The following ANO2 variants were observed in gnomAD, a reference collection of about 807,000 sequenced individuals.
ANO2 encodes the protein anoctamin-2.
Under a neutral mutation model 124.2 loss-of-function variants are expected in ANO2, and 101 were observed. The ratio of observed to expected loss-of-function variants is 0.81; its 90% CI spans 0.69 to 0.96. The LOEUF (loss-of-function observed/expected upper bound fraction) is 0.96. ANO2 is among the 40% of genes least tolerant of loss of function. ANO2 has a pLI of 0.00. For synonymous variants in ANO2, 486 were observed against 482.5 expected (o/e 1.01, Z -0.09); for missense variants, 1,293 against 1,274.5 (o/e 1.01, Z -0.22).
intron 23 of ANO2, among the ~76,000 whole-genome samples, chr12:5,572,854 A>C (rs922253343): frequency 6.6e-6 from 1 of 152,090 alleles, no homozygotes; most frequent in Non-Finnish European, 1.5e-5. Flanking sequence ...TCGGTGTCAG[A>C]TTTTTTTCTA....
chr12:5,631,120 T>C (rs975538534), intron 16 of ANO2, among the ~76,000 whole-genome samples: 3 of 152,150 alleles, frequency 2.0e-5, no homozygotes, highest in African/African-American at 7.2e-5. Context: ...GATATTGAGA[T>C]GAATTTATTA....
At chr12:5,565,226 G>C (rs1267793383) in intron 24 of ANO2, among the ~76,000 whole-genome samples, 2 of 152,134 alleles carry the variant, frequency 1.3e-5, no homozygotes, top group Non-Finnish European at 2.9e-5. Context: ...TCTGCCCCAG[G>C]CTGGGACTCT....
At chr12:5,654,135 G>A (rs926489433) in intron 14 of ANO2, among the ~76,000 whole-genome samples, 1 of 152,206 alleles carries the variant, frequency 6.6e-6, no homozygotes, top group Non-Finnish European at 1.5e-5. Context: ...TCATCTGATA[G>A]TAGGCTGGCA....
intron 16 of ANO2, among the ~76,000 whole-genome samples, chr12:5,626,076 T>C (rs547211597): frequency 6.6e-6 from 1 of 152,234 alleles, no homozygotes; most frequent in East Asian, 1.9e-4. Flanking sequence ...AAAAGAAGTG[T>C]TAGCAAGTTA....
intron 11 of ANO2, among the ~76,000 whole-genome samples, chr12:5,744,852 G>C (rs189150244): frequency 6.6e-6 from 1 of 152,196 alleles, no homozygotes; most frequent in African/African-American, 2.4e-5. Flanking sequence ...GGGGAAGAAC[G>C]GAGTAGATCT....
At chr12:5,873,637 C>A (rs1365959433) in intron 3 of ANO2, among the ~76,000 whole-genome samples, 2 of 152,242 alleles carry the variant, frequency 1.3e-5, no homozygotes, top group African/African-American at 4.8e-5. Flanking sequence ...GCTGCTCTTG[C>A]AGTCTTTCCG....
rs558216891 is a variant in ANO2, at chr12:5,630,926, C to A, written c.1816+4226G>T. Among the ~76,000 whole-genome samples, 4 of 152,308 alleles carry A rather than the reference C, an allele frequency of 2.6e-5. No homozygotes were observed. The South Asian group carries it at 8.3e-4, about 32-fold the overall frequency. On this transcript the variant is annotated intron_variant, in intron 16 of 24. Transcript: ENST00000682330. ...TGAGCAGATGGGATGAATGATGACACTTGGAGGCTGAAGCATTTAACAGCC... is the reference window on the plus strand; with the variant it reads ...TGAGCAGATGGGATGAATGATGACAATTGGAGGCTGAAGCATTTAACAGCC...
At chr12:5,641,240 G>T (rs1268296274) in intron 15 of ANO2, among the ~76,000 whole-genome samples, 1 of 151,890 alleles carries the variant, frequency 6.6e-6, no homozygotes, top group Non-Finnish European at 1.5e-5. Flanking sequence ...GGGGGGCAGG[G>T]GGAGGGATAG....
rs1345589222 is a variant in ANO2, at chr12:5,862,498, C to G, written c.535-8357G>C. The stretch of plus-strand genomic sequence containing the variant: ...ACCACAGTCTCCACTCCGTGTATCA[C>G]ACATCATTGCACTCCAACCAGAGGC... On this transcript the variant is annotated intron_variant, in intron 3 of 24. Transcript: ENST00000682330. This position sits in a 1 kb window ranked among gnomAD's most constrained non-coding sequence, Gnocchi z 4.0. Among the ~76,000 whole-genome samples the G allele has an allele frequency of 6.6e-6, 1 of 152,186 alleles. No homozygotes were observed. The highest frequency in any genetic ancestry group is 1.9e-4 in the East Asian group (1 of 5,190).
At chr12:5,614,182 CA>C (rs1357074837) in intron 17 of ANO2, among the ~76,000 whole-genome samples, 1 of 152,230 alleles carries the variant, frequency 6.6e-6, no homozygotes, top group African/African-American at 2.4e-5. Context: ...AGTGATTTTA[CA>C]TCCAGACTGA....
At position 5,739,135 on chromosome 12, in the gene ANO2, T is replaced by A. The variant is rs973123500; in HGVS notation, c.1434+182A>T. 5.7e-6 allele frequency: 4 copies of A among 702,802 alleles called. No homozygotes were observed. The East Asian group carries it at 1.1e-4, about 19-fold the overall frequency. The allele number at this position is 702,802 out of a possible 1,614,324, so 43.5% of individuals were successfully genotyped here. On this transcript the variant is annotated intron_variant, in intron 13 of 24. Coordinates refer to ENST00000682330, the MANE Select transcript of ANO2 (RefSeq NM_001364791.2). ...AGGGAAGAGGGGGTACTTGAACTCT[T>A]GGCCTCAGAGTAGGTCAACCATGGC...
intron 19 of ANO2, among the ~76,000 whole-genome samples, chr12:5,601,075 A>G (rs1038946788): frequency 2.0e-5 from 3 of 152,248 alleles, no homozygotes; most frequent in African/African-American, 7.2e-5. Context: ...GTATAAAACC[A>G]GATTTCACAA....
At chr12:5,646,662 G>A (rs1022828218) in intron 15 of ANO2, among the ~76,000 whole-genome samples, 5 of 152,020 alleles carry the variant, frequency 3.3e-5, no homozygotes, top group Non-Finnish European at 5.9e-5. Flanking sequence ...CTTAACACAC[G>A]GCAACTCACC....
chr12:5,783,034 C>G (rs1952447025), intron 10 of ANO2, among the ~76,000 whole-genome samples: 2 of 152,156 alleles, frequency 1.3e-5, no homozygotes, highest in African/African-American at 4.8e-5. Context: ...TGATGACCCA[C>G]AGTTACCTAT....
chr12:5,656,892 T>C (rs1307942296), intron 14 of ANO2, among the ~76,000 whole-genome samples: 1 of 152,208 alleles, frequency 6.6e-6, no homozygotes, highest in Non-Finnish European at 1.5e-5. Context: ...CAGTTTCTCA[T>C]CCCTGTCTTC....
intron 12 of ANO2, 23 bp downstream of exon 12, chr12:5,744,134 C>A: frequency 6.2e-7 from 1 of 1,612,870 alleles, no homozygotes; most frequent in Non-Finnish European, 8.5e-7. Context: ...CCCATATAAG[C>A]AAGCCTGGTG....
intron 3 of ANO2, among the ~76,000 whole-genome samples, chr12:5,874,691 G>T (rs903654502): frequency 8.5e-5 from 13 of 152,128 alleles, no homozygotes; most frequent in African/African-American, 2.7e-4. Flanking sequence ...TGTCTGCAAA[G>T]CTCCCCCCAG....
intron 10 of ANO2, among the ~76,000 whole-genome samples, chr12:5,794,777 A>G (rs1952800332): frequency 6.6e-6 from 1 of 152,168 alleles, no homozygotes; most frequent in Non-Finnish European, 1.5e-5. Context: ...AAGCAAAGAG[A>G]CTTGCTCACT....
chr12:5,751,930 A>C (rs543028784), intron 10 of ANO2, among the ~76,000 whole-genome samples: 3 of 152,222 alleles, frequency 2.0e-5, no homozygotes, highest in South Asian at 4.1e-4. Context: ...CTTTGGATCT[A>C]TGAGTTTGAC....
Sources: gnomAD v4.1 joint callset for allele counts (sites outside exome capture counted in the v4.1 genomes callset) on GRCh38, gnomAD v4.1.1 for gene constraint, Gnocchi (gnomAD v3.1) non-coding constraint, MANE v1.5 for transcripts, NCBI Gene and HGNC (gene_info 2026-07-23, HGNC 2026-07-21) for gene names.